Variants in RNF2 observed in about 807,000 individuals in gnomAD.
RNF2 encodes E3 ubiquitin-protein ligase RING2.
Under a neutral mutation model 37.2 loss-of-function variants are expected in RNF2, and 6 were observed. The observed-to-expected ratio is 0.16, with a 90% CI of 0.09 to 0.32. RNF2 has a LOEUF of 0.32. Ranked by LOEUF, RNF2 falls within the 10% of genes least tolerant of loss-of-function variation. The pLI, the probability that RNF2 is intolerant of heterozygous loss-of-function variation, is 1.00. For synonymous variants in RNF2, 133 were observed against 132.7 expected, an observed-to-expected ratio of 1.00 and a Z score of -0.02; for missense variants, 251 against 404.0, an observed-to-expected ratio of 0.62 and a Z score of 3.25.
At chr1:185,055,624 A>C (rs191918965) in intron 1 of RNF2, among the ~76,000 whole-genome samples, 1 of 152,248 alleles carries the variant, frequency 6.6e-6, no homozygotes, top group Admixed American at 6.5e-5. Flanking sequence ...CATGTTGGCA[A>C]GGCTGGTCTC....
intron 1 of RNF2, among the ~76,000 whole-genome samples, chr1:185,070,638 C>CTTTTTTT (rs893631238): frequency 6.9e-5 from 9 of 129,744 alleles, no homozygotes; most frequent in East Asian, 2.3e-4. Flanking sequence ...ATTTTCTTTT[C>CTTTTTTT]TTTTTTTTTT....
At chr1:185,087,525 T>C in intron 1 of RNF2, 27 bp from the exon 2 acceptor site, 1 of 1,600,672 alleles carries the variant, frequency 6.2e-7, no homozygotes, top group Non-Finnish European at 8.6e-7. Context: ...AATACTAAAA[T>C]TGTTTTTCTC....
At chr1:185,076,083 T>C (rs1405836253) in intron 1 of RNF2, among the ~76,000 whole-genome samples, 1 of 151,910 alleles carries the variant, frequency 6.6e-6, no homozygotes, top group Non-Finnish European at 1.5e-5. Flanking sequence ...TTTGTTAATT[T>C]ACATATGTTG....
At chr1:185,052,785 G>A (rs941755497) in intron 1 of RNF2, among the ~76,000 whole-genome samples, 2 of 152,178 alleles carry the variant, frequency 1.3e-5, no homozygotes, top group African/African-American at 4.8e-5. Context: ...TTTAAGCTGT[G>A]AAGTGCTGGG....
intron 4 of RNF2, among the ~76,000 whole-genome samples, chr1:185,096,653 G>T (rs1316267790): frequency 1.3e-5 from 2 of 151,912 alleles, no homozygotes; most frequent in African/African-American, 4.8e-5. Context: ...TTTGTGCCTG[G>T]TTTATATTAC....
At chr1:185,072,822 C>T (rs1183842415) in intron 1 of RNF2, among the ~76,000 whole-genome samples, 1 of 152,084 alleles carries the variant, frequency 6.6e-6, no homozygotes, top group Non-Finnish European at 1.5e-5. Context: ...CGCCTGTAGT[C>T]CCAGCTACTT....
intron 1 of RNF2, among the ~76,000 whole-genome samples, chr1:185,054,158 GTTTT>G (rs1329966599): frequency 2.0e-5 from 3 of 152,210 alleles, no homozygotes; most frequent in African/African-American, 7.2e-5. Flanking sequence ...GTAATGCCAA[GTTTT>G]ACTCTAATTA....
intron 1 of RNF2, among the ~76,000 whole-genome samples, chr1:185,067,933 G>GCTCTTGAC (rs1156296278): frequency 1.3e-5 from 2 of 150,890 alleles, no homozygotes; most frequent in African/African-American, 4.9e-5. Flanking sequence ...ATGGTCTTGA[G>GCTCTTGAC]CTCTTGACCT....
At position 185,097,075 on chromosome 1, in the gene RNF2, G is replaced by A. The variant is rs79139070; in HGVS notation, c.465-997G>A. 3.3e-3 allele frequency among the ~76,000 whole-genome samples: 498 copies of A among 152,206 alleles called. 20 individuals carry two copies. In the East Asian group the frequency reaches 0.061, roughly 19 times the overall value. The stretch of plus-strand genomic sequence containing the variant: ...CTAGCTCTAGTTCTGGCACTTATTA[G>A]CTGTATAACTGGAGGCAAATTATTT... On this transcript the variant is annotated intron_variant, in intron 4 of 6. Transcript: ENST00000367510.
Position 185,101,842 on chromosome 1 carries a change from T to TTTG in RNF2, c.*1543_*1544insGTT, listed in dbSNP as rs1487098597. The TTTG allele has an allele frequency of 2.7e-5, 4 of 148,696 alleles. No homozygotes were observed. The highest frequency in any genetic ancestry group is 2.0e-4 in the East Asian group (1 of 5,122). The allele number at this position is 148,696 out of a possible 1,614,324, so 9.2% of individuals were successfully genotyped here. On this transcript the variant is annotated 3_prime_UTR_variant, in exon 7 of 7. Coordinates refer to ENST00000367510, the MANE Select transcript of RNF2 (RefSeq NM_007212.4). ...ATCTGTTTTTACAGGGTTTTTTTTT[T>TTTG]TTTTTTTTTTTTGTAATCTGTGCCA...
chr1:185,071,022 A>G (rs990861456), intron 1 of RNF2, among the ~76,000 whole-genome samples: 4 of 152,218 alleles, frequency 2.6e-5, no homozygotes, highest in African/African-American at 9.6e-5. Context: ...GAACCTCTGC[A>G]TAAGTATACT....
intron 1 of RNF2, among the ~76,000 whole-genome samples, chr1:185,079,268 A>T (rs1265880069): frequency 6.6e-6 from 1 of 152,042 alleles, no homozygotes; most frequent in Non-Finnish European, 1.5e-5. Context: ...GTAACTGGAA[A>T]TTGGGCCTGT....
chr1:185,058,356 G>A (rs1220032694), intron 1 of RNF2, among the ~76,000 whole-genome samples: 1 of 152,118 alleles, frequency 6.6e-6, no homozygotes, highest in Non-Finnish European at 1.5e-5. Flanking sequence ...GATACTCAGG[G>A]AGGACTGTAC....
At chr1:185,071,644 A>G (rs76301737) in intron 1 of RNF2, 2,880 of 161,526 alleles carry the variant, frequency 0.018, 31 homozygotes, top group Non-Finnish European at 0.025. Context: ...CCAATCTTGG[A>G]CAAGTTGAAC....
intron 1 of RNF2, among the ~76,000 whole-genome samples, chr1:185,052,737 A>C (rs374535469): frequency 7.9e-5 from 12 of 152,286 alleles, no homozygotes; most frequent in African/African-American, 2.9e-4. Context: ...GTTTTAGGTG[A>C]GCTGAAAAGT....
intron 2 of RNF2, among the ~76,000 whole-genome samples, chr1:185,089,916 A>C (rs1216315990): frequency 1.3e-5 from 2 of 151,804 alleles, no homozygotes; most frequent in Non-Finnish European, 2.9e-5. Flanking sequence ...CTGTAATCCC[A>C]GCTACTCGGG....
intron 1 of RNF2, among the ~76,000 whole-genome samples, chr1:185,064,349 G>A (rs1053737067): frequency 4.6e-5 from 7 of 152,084 alleles, no homozygotes; most frequent in Non-Finnish European, 5.9e-5. Context: ...CTACAGAATA[G>A]GTACTTTATT....
intron 4 of RNF2, among the ~76,000 whole-genome samples, chr1:185,097,689 G>A (rs760848262): frequency 1.3e-5 from 2 of 152,218 alleles, no homozygotes; most frequent in South Asian, 2.1e-4. Flanking sequence ...GCACCACCAC[G>A]CCCAGCTAAT....
In RNF2 at chr1:185,072,821, T is replaced by TC. The variant is rs1571308258; in HGVS notation, c.-2-14728dup. Among the ~76,000 whole-genome samples, 8 of 152,204 alleles carry TC rather than the reference T, an allele frequency of 5.3e-5. No individual in the cohort carries two copies. The South Asian group carries it at 1.7e-3, about 32-fold the overall frequency. ...CGGGCATAGTGGCACGCGCCTGTAGTCCCAGCTACTTGGGAGTCTGAGGCA... is the reference window on the plus strand; with the variant it reads ...CGGGCATAGTGGCACGCGCCTGTAGTCCCCAGCTACTTGGGAGTCTGAGGCA... On this transcript the variant is annotated intron_variant, in intron 1 of 6. Transcript: ENST00000367510.
Sources: allele counts gnomAD v4.1 joint callset (sites outside exome capture counted in the v4.1 genomes callset), GRCh38; gene constraint gnomAD v4.1.1; transcripts MANE v1.5; gene names NCBI Gene and HGNC (gene_info 2026-07-23, HGNC 2026-07-21).